The following CBFA2T3 variants were observed in gnomAD, a reference collection of about 807,000 sequenced individuals.
CBFA2T3 encodes transcriptional corepressor CBFA2T3.
In CBFA2T3, 31 loss-of-function variants were observed where a neutral mutation model predicts 58.6. The ratio of observed to expected loss-of-function variants is 0.53; its 90% CI spans 0.40 to 0.71. The LOEUF (loss-of-function observed/expected upper bound fraction) is 0.71. Among genes scored for constraint, CBFA2T3 ranks in the 30% least tolerant of loss-of-function variants. The pLI is 0.00. For missense variants in CBFA2T3, 1,076 were observed against 963.1 expected (o/e 1.12, Z -1.55); for synonymous variants, 531 against 421.9 (o/e 1.26, Z -3.17).
intron 1 of CBFA2T3, among the ~76,000 whole-genome samples, chr16:88,922,534 A>G (rs917308746): frequency 6.6e-6 from 1 of 152,254 alleles, no homozygotes; most frequent in African/African-American, 2.4e-5. Context: ...GGGCCTGGCC[A>G]TGCTGATGCC....
intron 1 of CBFA2T3, among the ~76,000 whole-genome samples, chr16:88,932,134 C>T (rs953307274): frequency 1.3e-5 from 2 of 152,076 alleles, no homozygotes; most frequent in African/African-American, 4.8e-5. Context: ...CTGCTGTCGT[C>T]GGGAAGACAG....
At chr16:88,974,194 C>T (rs572706535) in intron 1 of CBFA2T3, among the ~76,000 whole-genome samples, 35 of 152,358 alleles carry the variant, frequency 2.3e-4, no homozygotes, top group African/African-American at 7.7e-4. Context: ...TTCTGACCTC[C>T]GCCTCTTCTT....
intron 1 of CBFA2T3, among the ~76,000 whole-genome samples, chr16:88,965,202 G>C (rs1044456044): frequency 2.0e-4 from 29 of 141,848 alleles, no homozygotes; most frequent in African/African-American, 7.1e-4. Context: ...TTAATAACAT[G>C]CTTATTTGAA....
chr16:88,877,641 T>A (rs1968889421), intron 11 of CBFA2T3, among the ~76,000 whole-genome samples: 1 of 152,112 alleles, frequency 6.6e-6, no homozygotes, highest in South Asian at 2.1e-4. Flanking sequence ...CATCCGCCTC[T>A]GCTGCATCCA....
chr16:88,881,362 G>C lies in CBFA2T3; in HGVS notation c.1331C>G (p.Thr444Arg). ...WARRYSDAED[T>R]KKGPAPAAAR... ...CGCGGCGGGAGCGGGGCCCTTCTTTGTGTCCTCGGCGTCGCTGTAGCGCCG... is the reference window on the plus strand; with the variant it reads ...CGCGGCGGGAGCGGGGCCCTTCTTTCTGTCCTCGGCGTCGCTGTAGCGCCG... The change falls in exon 9 of 12, where the codon ACA (threonine) becomes AGA (arginine). Residue 444 changes from threonine (T) to arginine (R), a missense_variant. By Grantham distance (71) the Thr-to-Arg change is moderately conservative. Transcript: ENST00000268679. 1 of 1,586,116 alleles carries C rather than the reference G, an allele frequency of 6.3e-7. No homozygotes were observed. Among genetic ancestry groups the C allele is most frequent in the Non-Finnish European group, 8.6e-7 (1 of 1,167,826 alleles).
intron 1 of CBFA2T3, among the ~76,000 whole-genome samples, chr16:88,952,596 C>T (rs545001438): frequency 6.4e-4 from 98 of 152,126 alleles, no homozygotes; most frequent in Non-Finnish European, 1.2e-3. Context: ...TCGCCCCCAT[C>T]GCCTCTCTGA....
chr16:88,885,813 A>C lies in CBFA2T3; in HGVS notation c.893+148T>G. On this transcript the variant is annotated intron_variant, in intron 6 of 11. Transcript: ENST00000268679. The surrounding 1 kb of genome is among the most constrained non-coding windows in gnomAD (Gnocchi z 5.3). ...TGCAGCCACCAAGCCTGCTGGCCCT[A>C]GTACACCTCGCCACGCTCCCTCAGC... 1.5e-6 allele frequency: 1 copy of C among 676,458 alleles called. No individual in the cohort carries two copies. The highest frequency in any genetic ancestry group is 2.5e-6 in the Non-Finnish European group (1 of 400,866). 41.9% of individuals were successfully genotyped at this position (676,458 alleles called of 1,614,324 possible).
At chr16:88,903,519 G>A (rs1044509957) in intron 1 of CBFA2T3, among the ~76,000 whole-genome samples, 1 of 152,214 alleles carries the variant, frequency 6.6e-6, no homozygotes, top group Non-Finnish European at 1.5e-5. Context: ...CCTGTCCGGA[G>A]GCTGATGGCT....
intron 5 of CBFA2T3, among the ~76,000 whole-genome samples, chr16:88,890,689 T>G (rs1321884864): frequency 6.6e-6 from 1 of 151,078 alleles, no homozygotes; most frequent in Non-Finnish European, 1.5e-5. Flanking sequence ...CACTCTCCCA[T>G]GGGAATCACT....
chr16:88,898,839 G>A (rs1161805812), intron 2 of CBFA2T3, among the ~76,000 whole-genome samples: 5 of 152,200 alleles, frequency 3.3e-5, no homozygotes, highest in South Asian at 2.1e-4. Flanking sequence ...CCTGGGCGAC[G>A]TAGGGAGACC....
chr16:88,944,253 C>A (rs1445851642), intron 1 of CBFA2T3, among the ~76,000 whole-genome samples: 1 of 151,186 alleles, frequency 6.6e-6, no homozygotes, highest in Non-Finnish European at 1.5e-5. Flanking sequence ...AGGAGAATGG[C>A]CTGAACCCGG....
In CBFA2T3 at chr16:88,886,047, C is replaced by A; in HGVS notation, c.807G>T (p.Leu269=). 1 of 1,583,398 alleles carries A rather than the reference C, an allele frequency of 6.3e-7. No individual in the cohort carries two copies. The highest frequency in any genetic ancestry group is 8.6e-7 in the Non-Finnish European group (1 of 1,168,960). ...TGGGGGAGGAGGCGCTGGCGTCCAGCAGGAGCTGCTCATGCTGGGCCAAGT... is the reference window on the plus strand; with the variant it reads ...TGGGGGAGGAGGCGCTGGCGTCCAGAAGGAGCTGCTCATGCTGGGCCAAGT... ...AQYLAQHEQL[L]LDASASSPID... is the part of the protein sequence containing the mutation. Residue 269 remains leucine (L), a synonymous_variant, in exon 6 of 12, where the codon CTG becomes CTT. Transcript: ENST00000268679.
intron 1 of CBFA2T3, among the ~76,000 whole-genome samples, chr16:88,917,530 G>A (rs776851019): frequency 3.9e-5 from 6 of 152,154 alleles, no homozygotes; most frequent in Non-Finnish European, 5.9e-5. Flanking sequence ...CCAATGAGGC[G>A]CCAGGGGAGG....
Position 88,881,453 on chromosome 16 carries a change from G to C in CBFA2T3, c.1240C>G (p.Arg414Gly). The C allele has an allele frequency of 6.2e-6, 10 of 1,609,702 alleles. No homozygotes were observed. Among genetic ancestry groups the C allele is most frequent in the South Asian group, 1.1e-5 (1 of 90,974 alleles). The change falls in exon 9 of 12, where the codon CGG becomes GGG. Residue 414 changes from arginine to glycine, a missense_variant. Physicochemically the swap from Arg to Gly is moderately radical, Grantham distance 125. Coordinates refer to ENST00000268679, the MANE Select transcript of CBFA2T3 (RefSeq NM_005187.6). Reference sequence around the variant, plus strand: ...CTGCGCAGCACCGTGAGCGAGCGCCGCGTCTTCTCCACCATGTCCATGATG... The same window carrying C: ...CTGCGCAGCACCGTGAGCGAGCGCCCCGTCTTCTCCACCATGTCCATGATG... Reference protein sequence around the residue: ...NCIMDMVEKTRRSLTVLRRCQ... With the variant: ...NCIMDMVEKTGRSLTVLRRCQ...
rs561474588 is a variant in CBFA2T3 at position 88,958,987 on chromosome 16, C to T, written c.151+17670G>A. On this transcript the variant is annotated intron_variant, in intron 1 of 11. Transcript: ENST00000268679. The surrounding 1 kb of genome is among the most constrained non-coding windows in gnomAD (Gnocchi z 4.0). ...ACCCCTGGCAACCCTGTCAGCTGCT[C>T]ATTCACCTAATAGACAAGTGCTGTG... 8.3e-4 allele frequency among the ~76,000 whole-genome samples: 126 copies of T among 152,300 alleles called. 1 individual carries two copies. The Middle Eastern group carries it at 0.014, about 16-fold the overall frequency.
chr16:88,912,890 C>T (rs1247182721), intron 1 of CBFA2T3, among the ~76,000 whole-genome samples: 1 of 152,220 alleles, frequency 6.6e-6, no homozygotes, highest in Non-Finnish European at 1.5e-5. Flanking sequence ...AACACACCTC[C>T]CGGGGGTGCG....
intron 3 of CBFA2T3, 36 bp downstream of exon 3, chr16:88,898,042 T>C: frequency 6.6e-7 from 1 of 1,521,350 alleles, no homozygotes; most frequent in Non-Finnish European, 9.1e-7. Context: ...GGTGAAGACC[T>C]CTGGGGAGGC....
chr16:88,911,607 A>G (rs539451150), intron 1 of CBFA2T3, among the ~76,000 whole-genome samples: 1 of 152,364 alleles, frequency 6.6e-6, no homozygotes, highest in South Asian at 2.1e-4. Flanking sequence ...TCTCATCTGT[A>G]AAATGGGAAT....
chr16:88,963,268 T>TGGGCGCTCGTCTTCTGCCAGGGGG (rs1972414321), intron 1 of CBFA2T3, among the ~76,000 whole-genome samples: 1 of 124,252 alleles, frequency 8.0e-6, no homozygotes, highest in African/African-American at 3.1e-5. Context: ...CTGCCAGGGG[T>TGGGCGCTCGTCTTCTGCCAGGGGG]GGGCGCTCGT....
Sources: gnomAD v4.1 joint callset for allele counts (sites outside exome capture counted in the v4.1 genomes callset) on GRCh38, gnomAD v4.1.1 for gene constraint, Gnocchi (gnomAD v3.1) non-coding constraint, MANE v1.5 for transcripts, NCBI Gene and HGNC (gene_info 2026-07-23, HGNC 2026-07-21) for gene names.